Variants in PGAP6 observed in about 807,000 individuals in gnomAD.
PGAP6 encodes the protein post-GPI attachment to proteins factor 6.
PGAP6 carries 62 observed loss-of-function variants against 68.4 expected under a neutral mutation model. The ratio of observed to expected loss-of-function variants is 0.91; its 90% CI spans 0.74 to 1.12. PGAP6 has a LOEUF of 1.12. Ranked by LOEUF, PGAP6 falls within the 50% of genes most tolerant of loss-of-function variation. PGAP6 has a pLI of 0.00. For synonymous variants in PGAP6, 575 were observed against 474.0 expected (o/e 1.21, Z -2.77); for missense variants, 1,188 against 1,068.5 (o/e 1.11, Z -1.56).
At chr16:377,922 A>G in intron 1 of PGAP6, 74 bp from the exon 2 acceptor site, 1 of 1,379,756 alleles carries the variant, frequency 7.2e-7, no homozygotes, top group Non-Finnish European at 9.8e-7. Context: ...CGAGTCCCCC[A>G]GATGGAAAGG....
chr16:376,068 G>C, intron 6 of PGAP6, 68 bp downstream of exon 6: 2 of 1,456,638 alleles, frequency 1.4e-6, no homozygotes, highest in Non-Finnish European at 1.8e-6. Flanking sequence ...TAAATGAGGA[G>C]GCGCTGCAGG....
rs2054345349 is a variant in PGAP6 at position 372,643 on chromosome 16, G to C, written c.1987C>G (p.Leu663Val). ...GAGGCCATGATCACGAAGGCAAAGA[G>C]GCAGGGCCCCAGCATGTTCCACATG... The part of the protein sequence containing the change: ...RGMWNMLGPC[L>V]FAFVIMASMW... The change falls in exon 12 of 13, where the codon CTC becomes GTC. Residue 663 changes from leucine to valine, a missense_variant. Physicochemically the swap from Leu to Val is conservative, Grantham distance 32 (BLOSUM62 1). Coordinates refer to ENST00000431232, the MANE Select transcript of PGAP6 (RefSeq NM_021259.3). The C allele has an allele frequency of 6.2e-7, 1 of 1,612,196 alleles. No individual in the cohort carries two copies. The highest frequency in any genetic ancestry group is 1.3e-5 in the African/African-American group (1 of 74,900).
At chr16:382,169 C>G (rs1315949595), upstream of PGAP6, 2 of 384,834 alleles carry the variant, frequency 5.2e-6, no homozygotes, top group Non-Finnish European at 9.1e-6. Context: ...AGGGAGGGCG[C>G]GGGATGGAGG....
At chr16:385,923 CTACTCTGAATAT>C (rs2054481958), upstream of PGAP6, among the ~76,000 whole-genome samples, 1 of 152,172 alleles carries the variant, frequency 6.6e-6, no homozygotes, top group Non-Finnish European at 1.5e-5. Flanking sequence ...CGCGCCCGGC[CTACTCTGAATAT>C]TTATGCAACT....
chr16:378,371 CTGCCATCGCCACCCTG>C lies in PGAP6; in HGVS notation c.122-539_122-524del, dbSNP rs1567325866. On this transcript the variant is annotated intron_variant, in intron 1 of 12. Transcript: ENST00000431232. ...ACTCTGACTGCCATCCCCACCCGCA[CTGCCATCGCCACCCTG>C]ACTGCCATCGCCACCCGCACTGCCA... 3.1e-4 allele frequency among the ~76,000 whole-genome samples: 38 copies of C among 123,580 alleles called. 3 individuals are homozygous for C. The highest frequency in any genetic ancestry group is 4.6e-4 in the Non-Finnish European group (27 of 58,458). 81.1% of individuals were successfully genotyped at this position (123,580 alleles called of 152,430 possible).
chr16:381,994 C>T, upstream of PGAP6: 1 of 948,740 alleles, frequency 1.1e-6, no homozygotes, highest in Non-Finnish European at 1.3e-6. Context: ...CCGCAGGCCC[C>T]GCCCCGCAGG....
Position 372,235 on chromosome 16 carries a change from G to T in PGAP6, c.2068C>A (p.Arg690Ser), listed in dbSNP as rs750775225. Reference protein sequence around the residue: ...RRQCYPTSWQRWAFYLLPGVS... With the variant: ...RRQCYPTSWQSWAFYLLPGVS... ...CCGGGCAGGAGGTAGAAGGCCCAGC[G>T]CTGCCACGAGGTGGGGTAGCACTGG... The change falls in exon 13 of 13, where the codon CGC (arginine) becomes AGC (serine). Residue 690 changes from arginine to serine, a missense_variant. Physicochemically the swap from Arg to Ser is moderately radical, Grantham distance 110 (BLOSUM62 -1). Coordinates refer to ENST00000431232, the MANE Select transcript of PGAP6 (RefSeq NM_021259.3). The T allele has an allele frequency of 5.0e-6, 8 of 1,612,052 alleles. No homozygotes were observed. In the African/African-American group the frequency reaches 9.3e-5, roughly 19 times the overall value.
At position 375,146 on chromosome 16, in the gene PGAP6, G is replaced by T. The variant is rs1410448488; in HGVS notation, c.1426C>A (p.Pro476Thr). 6.2e-7 allele frequency: 1 copy of T among 1,613,340 alleles called. No individual in the cohort carries two copies. Among genetic ancestry groups the T allele is most frequent in the East Asian group, 2.2e-5 (1 of 44,878 alleles). ...NWYLSLQLMCPENAEDCEQAV... is the reference protein window; with the variant it reads ...NWYLSLQLMCTENAEDCEQAV... ...AGGTTTACTTACTCAGCATTCTCAGGGCACATGAGCTGCAGGGAGAGGTAC... is the reference window on the plus strand; with the variant it reads ...AGGTTTACTTACTCAGCATTCTCAGTGCACATGAGCTGCAGGGAGAGGTAC... Residue 476 changes from proline to threonine, a missense_variant, in exon 8 of 13, where the codon CCT becomes ACT. Pro to Thr is a conservative substitution (Grantham distance 38). Coordinates refer to ENST00000431232, the MANE Select transcript of PGAP6 (RefSeq NM_021259.3).
intron 1 of PGAP6, among the ~76,000 whole-genome samples, chr16:380,613 C>T (rs917536021): frequency 6.6e-6 from 1 of 152,124 alleles, no homozygotes; most frequent in Non-Finnish European, 1.5e-5. Flanking sequence ...GTGATCCACC[C>T]GCCTCAGCCT....
intron 4 of PGAP6, 65 bp from the exon 5 acceptor site, chr16:376,877 C>A (rs945561075): frequency 2.0e-5 from 31 of 1,580,846 alleles, no homozygotes; most frequent in Non-Finnish European, 2.5e-5. Flanking sequence ...GCAGCGTGCC[C>A]AGGCTCTGCT....
At chr16:373,115 C>G (rs1441640397) in intron 11 of PGAP6, among the ~76,000 whole-genome samples, 1 of 152,196 alleles carries the variant, frequency 6.6e-6, no homozygotes, top group Non-Finnish European at 1.5e-5. Flanking sequence ...CTCCCACCCC[C>G]CAGTCTCCAT....
At chr16:383,978 G>T (rs1449754958), upstream of PGAP6, among the ~76,000 whole-genome samples, 1 of 152,218 alleles carries the variant, frequency 6.6e-6, no homozygotes, top group Non-Finnish European at 1.5e-5. Context: ...TTGTTTCCCG[G>T]GAATCCCAGC....
At position 377,414 on chromosome 16, in the gene PGAP6, G is replaced by A. The variant is rs1462665319; in HGVS notation, c.471C>T (p.Ala157=). 2 of 1,607,214 alleles carry A rather than the reference G, an allele frequency of 1.2e-6. No homozygotes were observed. The highest frequency in any genetic ancestry group is 1.7e-6 in the Non-Finnish European group (2 of 1,176,896). Residue 157 remains alanine (A), a synonymous_variant, in exon 3 of 13, where the codon GCC becomes GCT. Transcript: ENST00000431232. ...TCTTCTGGGATGAGGGGGGCAGGTG[G>A]GCGGCCACGAACCAGTCCCCGGGGG... ...HPAPGDWFVA[A]HLPPSSQKIE...
At chr16:382,079 T>C, upstream of PGAP6, 1 of 257,382 alleles carries the variant, frequency 3.9e-6, no homozygotes, top group Non-Finnish European at 6.1e-6. Context: ...AGGGGTCACG[T>C]GGGGCGCCGG....
intron 6 of PGAP6, 145 bp downstream of exon 6, chr16:375,991 C>T: frequency 5.9e-6 from 5 of 848,474 alleles, no homozygotes; most frequent in Non-Finnish European, 6.9e-6. Context: ...GGGGAGGCCC[C>T]CCAACATGGG....
chr16:372,350 T>C, intron 12 of PGAP6, 67 bp from the exon 13 acceptor site: 1 of 1,502,210 alleles, frequency 6.7e-7, no homozygotes, highest in South Asian at 1.2e-5. Context: ...AGGGCCCAGA[T>C]ACGGTGGTTA....
In PGAP6 at chr16:372,142, TGTA is replaced by T. The variant is rs1417515848; in HGVS notation, c.2158_2160del (p.Tyr720del). ...AGCAGGATGTGCCAGATGCTGTGGG[TGTA>T]GTAGTAGTTGTCGCTAGTCATCATG... On this transcript the variant is annotated inframe_deletion, in exon 13 of 13. Transcript: ENST00000431232. 6.2e-7 allele frequency: 1 copy of T among 1,612,172 alleles called. No homozygotes were observed. The highest frequency in any genetic ancestry group is 1.7e-5 in the Admixed American group (1 of 59,972).
Position 377,089 on chromosome 16 carries a change from C to T in PGAP6, c.583G>A (p.Glu195Lys), listed in dbSNP as rs757009911. 6.8e-6 allele frequency: 11 copies of T among 1,613,554 alleles called. No individual in the cohort carries two copies. The highest frequency in any genetic ancestry group is 9.3e-6 in the Non-Finnish European group (11 of 1,180,010). Residue 195 changes from glutamate to lysine, a missense_variant, in exon 4 of 13, where the codon GAG becomes AAG. Physicochemically the swap from Glu to Lys is moderately conservative, Grantham distance 56 (BLOSUM62 1). Transcript: ENST00000431232. ...GTCTGAGGAAGGGGCACGTCCGGCT[C>T]CATGATGGAAATCTCGACCACCCGC... ...VTRVVEISIM[E>K]PDVPLPQTLL...
At position 372,007 on chromosome 16, in the gene PGAP6, C is replaced by T. The variant is rs781439131; in HGVS notation, c.2296G>A (p.Glu766Lys). ...CAGTGTCACGTCACTGCGTACAGTTCCTCCCGATCGTTCTTGCAGATCTGA... is the reference window on the plus strand; with the variant it reads ...CAGTGTCACGTCACTGCGTACAGTTTCTCCCGATCGTTCTTGCAGATCTGA... ...HYQICKNDRE[E>K]LYAVT The change falls in exon 13 of 13, where the codon GAA becomes AAA. Residue 766 changes from glutamate to lysine, a missense_variant. By Grantham distance (56) the Glu-to-Lys change is moderately conservative. Coordinates refer to ENST00000431232, the MANE Select transcript of PGAP6 (RefSeq NM_021259.3). 26 of 1,612,330 alleles carry T rather than the reference C, an allele frequency of 1.6e-5. 1 individual carries two copies. Among genetic ancestry groups the T allele is most frequent in the African/African-American group, 2.7e-5 (2 of 74,926 alleles).
Sources: allele counts gnomAD v4.1 joint callset (sites outside exome capture counted in the v4.1 genomes callset), GRCh38; gene constraint gnomAD v4.1.1; transcripts MANE v1.5; gene names NCBI Gene and HGNC (gene_info 2026-07-23, HGNC 2026-07-21).